KCNIP4: variants seen among roughly 807,000 people sequenced by gnomAD.
The protein encoded by KCNIP4 is Kv channel-interacting protein 4.
In KCNIP4, 12 loss-of-function variants were observed where a neutral mutation model predicts 34.0. That is an observed-to-expected ratio of 0.35 (90% confidence interval 0.23 to 0.57). The LOEUF is 0.57. KCNIP4 is among the 20% of genes least tolerant of loss of function. The pLI is 0.83. For missense variants in KCNIP4, 238 were observed against 311.7 expected, an observed-to-expected ratio of 0.76 and a Z score of 1.78; for synonymous variants, 124 against 102.2, an observed-to-expected ratio of 1.21 and a Z score of -1.29.
chr4:21,719,963 CAAAAAA>C (rs35540264), intron 1 of KCNIP4, among the ~76,000 whole-genome samples: 1 of 24,036 alleles, frequency 4.2e-5, no homozygotes. Context: ...AGCTCCATCT[CAAAAAA>C]AAAAAAAAAA....
rs1199785200 is a variant in KCNIP4 at position 21,757,144 on chromosome 4, AAAG to A, written c.61+191424_61+191426del. Among the ~76,000 whole-genome samples, 48 of 25,462 alleles carry A rather than the reference AAAG, an allele frequency of 1.9e-3. 1 individual carries two copies. The highest frequency in any genetic ancestry group is 3.5e-3 in the Non-Finnish European group (46 of 13,304). The allele number at this position is 25,462 out of a possible 152,430, so 16.7% of individuals were successfully genotyped here. On this transcript the variant is annotated intron_variant, in intron 1 of 8. Coordinates refer to ENST00000382152, the MANE Select transcript of KCNIP4 (RefSeq NM_025221.6). ...GAAAGAAAGAAAGAAAGAAAGAAAG[AAAG>A]AAAGAAAGAAAGAAAGAAAGAAGGA... is the stretch of plus-strand genomic sequence containing the variant.
intron 1 of KCNIP4, among the ~76,000 whole-genome samples, chr4:21,673,822 TAAAC>T (rs1290189891): frequency 2.6e-5 from 4 of 152,204 alleles, no homozygotes; most frequent in South Asian, 2.1e-4. Context: ...GGATAAGTAT[TAAAC>T]AACAGTACCT....
chr4:21,483,020 T>C (rs947293425), intron 1 of KCNIP4, among the ~76,000 whole-genome samples: 3 of 141,486 alleles, frequency 2.1e-5, no homozygotes, highest in African/African-American at 5.3e-5. Context: ...TAGGTGGGAA[T>C]TGAACAATGA....
At chr4:21,944,918 T>C (rs1034606757) in intron 1 of KCNIP4, among the ~76,000 whole-genome samples, 2 of 152,284 alleles carry the variant, frequency 1.3e-5, no homozygotes, top group African/African-American at 4.8e-5. Context: ...AGTTATATAA[T>C]TTTGAAAGAT....
intron 8 of KCNIP4, 134 bp from the exon 9 acceptor site, chr4:20,730,263 T>A (rs1747695793): frequency 8.8e-7 from 1 of 1,136,646 alleles, no homozygotes; most frequent in African/African-American, 1.6e-5. Flanking sequence ...ATTAAGTGTT[T>A]GCAAATGTAA....
chr4:21,678,802 C>T (rs114999748), intron 1 of KCNIP4, among the ~76,000 whole-genome samples: 1,689 of 152,258 alleles, frequency 0.011, 27 homozygotes, highest in African/African-American at 0.035. Flanking sequence ...CTGTTATGGA[C>T]GGAATTGTGC....
intron 5 of KCNIP4, among the ~76,000 whole-genome samples, chr4:20,744,757 T>TAAAGAATAATAATAATA (rs1208615763): frequency 6.6e-6 from 1 of 151,968 alleles, no homozygotes; most frequent in Non-Finnish European, 1.5e-5. Context: ...CCCTAGAACT[T>TAAAGAATAATAATAATA]AAAGAATAAT....
At chr4:21,037,161 G>A (rs904091014) in intron 1 of KCNIP4, among the ~76,000 whole-genome samples, 1 of 152,258 alleles carries the variant, frequency 6.6e-6, no homozygotes, top group African/African-American at 2.4e-5. Context: ...TGTTTATAAA[G>A]TAAAACAATT....
chr4:21,400,649 A>G (rs1723475602), intron 1 of KCNIP4, among the ~76,000 whole-genome samples: 1 of 151,888 alleles, frequency 6.6e-6, no homozygotes, highest in Non-Finnish European at 1.5e-5. Flanking sequence ...ATTAGCATCA[A>G]GTGCAAATCT....
In KCNIP4 at chr4:20,909,852, G is replaced by A. The variant is rs183308293; in HGVS notation, c.62-27143C>T. Among the ~76,000 whole-genome samples the A allele has an allele frequency of 2.6e-5, 4 of 152,198 alleles. No homozygotes were observed. In the East Asian group the frequency reaches 7.7e-4, roughly 29 times the overall value. ...CATCCTTCTCTCTTACTTGTCTAGA[G>A]AGTAGGTGCAATTGAGCCACTGCAT... On this transcript the variant is annotated intron_variant, in intron 1 of 8. Coordinates refer to ENST00000382152, the MANE Select transcript of KCNIP4 (RefSeq NM_025221.6).
chr4:20,883,951 T>C (rs1283929923), intron 1 of KCNIP4, among the ~76,000 whole-genome samples: 2 of 152,204 alleles, frequency 1.3e-5, no homozygotes, highest in Non-Finnish European at 2.9e-5. Flanking sequence ...TCTGAGTCTC[T>C]GGCAGCATTT....
chr4:21,572,529 C>T (rs1740439493), intron 1 of KCNIP4, among the ~76,000 whole-genome samples: 1 of 152,036 alleles, frequency 6.6e-6, no homozygotes, highest in Admixed American at 6.6e-5. Context: ...CTAATTCATG[C>T]AGTCACTTAA....
chr4:21,934,236 T>A (rs1729726698), intron 1 of KCNIP4, among the ~76,000 whole-genome samples: 1 of 152,052 alleles, frequency 6.6e-6, no homozygotes, highest in African/African-American at 2.4e-5. Context: ...GCCTATGTAC[T>A]GCACTTCCAA....
At chr4:21,672,219 C>T (rs1321403179) in intron 1 of KCNIP4, among the ~76,000 whole-genome samples, 2 of 152,146 alleles carry the variant, frequency 1.3e-5, no homozygotes, top group East Asian at 1.9e-4. Context: ...CACCATAGCA[C>T]GTGTATACTT....
intron 1 of KCNIP4, among the ~76,000 whole-genome samples, chr4:20,925,040 C>G (rs1729759080): frequency 6.6e-6 from 1 of 151,978 alleles, no homozygotes; most frequent in South Asian, 2.1e-4. Context: ...ATTTTAACAA[C>G]TTTTTTGAAA....
At chr4:21,340,165 T>A (rs1489768388) in intron 1 of KCNIP4, among the ~76,000 whole-genome samples, 2 of 152,124 alleles carry the variant, frequency 1.3e-5, no homozygotes, top group East Asian at 3.9e-4. Context: ...CGGTGAGCTA[T>A]GAAAAAAATT....
At chr4:21,833,415 T>G (rs2109308621) in intron 1 of KCNIP4, among the ~76,000 whole-genome samples, 1 of 152,274 alleles carries the variant, frequency 6.6e-6, no homozygotes, top group East Asian at 1.9e-4. Context: ...GTTCATGTCC[T>G]TTGCCCACTT....
intron 3 of KCNIP4, among the ~76,000 whole-genome samples, chr4:20,844,290 G>C (rs2149475600): frequency 6.6e-6 from 1 of 152,290 alleles, no homozygotes; most frequent in East Asian, 1.9e-4. Flanking sequence ...TTGGAAATCT[G>C]ACAGACAGTT....
At chr4:21,550,482 T>C (rs1216147873) in intron 1 of KCNIP4, among the ~76,000 whole-genome samples, 1 of 152,136 alleles carries the variant, frequency 6.6e-6, no homozygotes, top group Non-Finnish European at 1.5e-5. Context: ...TTTAGTACTT[T>C]ATCTGTCGCT....
Sources: allele counts gnomAD v4.1 joint callset (sites outside exome capture counted in the v4.1 genomes callset), GRCh38; gene constraint gnomAD v4.1.1; transcripts MANE v1.5; gene names NCBI Gene and HGNC (gene_info 2026-07-23, HGNC 2026-07-21).